DMD: variants seen among roughly 807,000 people sequenced by gnomAD.
DMD encodes the protein mutant dystrophin.
DMD carries 63 observed loss-of-function variants against 330.1 expected under a neutral mutation model. The observed-to-expected ratio is 0.19, with a 90% CI of 0.16 to 0.24. The LOEUF (loss-of-function observed/expected upper bound fraction) is 0.24. Ranked by LOEUF, DMD falls within the 10% of genes least tolerant of loss-of-function variation. DMD has a pLI of 1.00. For synonymous variants in DMD, 1,223 were observed against 959.8 expected (o/e 1.27, Z -5.07); for missense variants, 3,344 against 2,684.1 (o/e 1.25, Z -5.43).
At chrX:32,694,709 T>A (rs1328388735) in intron 9 of DMD, among the ~76,000 whole-genome samples, 1 of 112,062 alleles carries the variant, frequency 8.9e-6, no homozygotes, top group Non-Finnish European at 1.9e-5. Context: ...CATGCTGTAG[T>A]GCAATGGCAT....
chrX:33,228,663 G>C (rs1239687752), intron 1 of DMD, among the ~76,000 whole-genome samples: 2 of 108,766 alleles, frequency 1.8e-5, no homozygotes, highest in Non-Finnish European at 3.8e-5. Context: ...TAGGCTATCA[G>C]GCTCTCACTT....
chrX:32,614,399 G>A lies in DMD; in HGVS notation c.1386C>T (p.Asp462=). 1 of 1,206,674 alleles carries A rather than the reference G, an allele frequency of 8.3e-7. No individual in the cohort carries two copies. Among genetic ancestry groups the A allele is most frequent in the Non-Finnish European group, 1.1e-6 (1 of 891,943 alleles). Residue 462 remains aspartate, a synonymous_variant, in exon 12 of 79, where the codon GAC becomes GAT. Coordinates refer to ENST00000357033, the MANE Select transcript of DMD (RefSeq NM_004006.3). Reference sequence around the variant, plus strand: ...TTCTTTCTTCTGTTTTTGTTAGCCAGTCATTCAACTCTTTCAGTTTCTGAT... The same window carrying A: ...TTCTTTCTTCTGTTTTTGTTAGCCAATCATTCAACTCTTTCAGTTTCTGAT... The part of the protein sequence containing the change: ...LQNQKLKELN[D]WLTKTEERTR...
At chrX:32,436,899 G>A (rs760220575) in intron 29 of DMD, among the ~76,000 whole-genome samples, 1 of 109,633 alleles carries the variant, frequency 9.1e-6, no homozygotes, top group South Asian at 4.0e-4. Flanking sequence ...GCTACAGTGA[G>A]CCACGATCAT....
chrX:32,411,227 T>C (rs1367959624), intron 30 of DMD, among the ~76,000 whole-genome samples: 1 of 111,449 alleles, frequency 9.0e-6, no homozygotes, highest in East Asian at 2.8e-4. Context: ...GCCTCCCGTG[T>C]TCAAGTGATT....
chrX:33,299,549 T>C (rs1258201631), intron 1 of DMD, among the ~76,000 whole-genome samples: 2 of 111,602 alleles, frequency 1.8e-5, no homozygotes, highest in Middle Eastern at 4.6e-3. Context: ...GCTAGGTAGT[T>C]GCTTCAGTTC....
intron 1 of DMD, among the ~76,000 whole-genome samples, chrX:33,107,251 G>A (rs1157863413): frequency 9.7e-6 from 1 of 102,714 alleles, no homozygotes; most frequent in African/African-American, 3.5e-5. Context: ...GGCGGAGGTT[G>A]CAGTGAGCCG....
At chrX:31,859,813 G>A (rs2996021) in intron 48 of DMD, among the ~76,000 whole-genome samples, 47,251 of 111,156 alleles carry the variant, frequency 0.43, 7,792 homozygotes, top group African/African-American at 0.58. Context: ...ATGTCTGAAT[G>A]TATCTGAAAT....
chrX:32,058,339 T>C (rs953855928), intron 44 of DMD, among the ~76,000 whole-genome samples: 1 of 110,396 alleles, frequency 9.1e-6, no homozygotes, highest in African/African-American at 3.3e-5. Context: ...ATATATCTGA[T>C]AAGGTGTCAA....
chrX:31,659,871 A>G (rs1330806052), intron 53 of DMD, among the ~76,000 whole-genome samples: 1 of 111,063 alleles, frequency 9.0e-6, no homozygotes, highest in Non-Finnish European at 1.9e-5. Context: ...AATGGAAGAA[A>G]TTGAAAATAA....
At chrX:31,851,847 G>T (rs2093532371) in intron 48 of DMD, among the ~76,000 whole-genome samples, 1 of 111,672 alleles carries the variant, frequency 9.0e-6, no homozygotes, top group Non-Finnish European at 1.9e-5. Context: ...AGTTTAGAAA[G>T]TGCCTGCAGG....
intron 63 of DMD, among the ~76,000 whole-genome samples, chrX:31,254,738 T>A (rs765533330): frequency 9.0e-6 from 1 of 111,395 alleles, no homozygotes; most frequent in East Asian, 2.8e-4. Flanking sequence ...GTAGTAAGAT[T>A]TGACATTGGA....
At chrX:32,724,798 C>G (rs1372100424) in intron 7 of DMD, among the ~76,000 whole-genome samples, 1 of 111,905 alleles carries the variant, frequency 8.9e-6, no homozygotes, top group Non-Finnish European at 1.9e-5. Flanking sequence ...AATCTTTCAG[C>G]TCTTTTTCTC....
At chrX:33,110,803 A>C (rs1056915408) in intron 1 of DMD, among the ~76,000 whole-genome samples, 4 of 111,305 alleles carry the variant, frequency 3.6e-5, no homozygotes, top group Non-Finnish European at 7.5e-5. Context: ...AACCATGGGC[A>C]CAATCCAAGC....
At chrX:32,201,469 A>AACCCCC (rs2097037261) in intron 44 of DMD, among the ~76,000 whole-genome samples, 2 of 48,441 alleles carry the variant, frequency 4.1e-5, no homozygotes, top group African/African-American at 9.3e-5. Context: ...AAATTCAAAC[A>AACCCCC]CCCCCCCCCC....
At position 32,686,559 on chromosome X, in the gene DMD, C is replaced by CAAAAAAAAAAAAAAAAAAAAAAAAAAAAA. The variant is rs750534167; in HGVS notation, c.960+11310_960+11311insTTTTTTTTTTTTTTTTTTTTTTTTTTTTT. ...GGGCAACAGAGCAAAAACTCCATCT[C>CAAAAAAAAAAAAAAAAAAAAAAAAAAAAA]AAAAAAAAAAAAAAAAAAAAAAAGA... On this transcript the variant is annotated intron_variant, in intron 9 of 78. Transcript: ENST00000357033. 1.0e-4 allele frequency among the ~76,000 whole-genome samples: 3 copies of CAAAAAAAAAAAAAAAAAAAAAAAAAAAAA among 28,583 alleles called. 1 individual carries two copies. The highest frequency in any genetic ancestry group is 4.0e-4 in the African/African-American group (3 of 7,468). 24.8% of individuals were successfully genotyped at this position (28,583 alleles called of 115,157 possible). A position where few individuals can be genotyped will look rare whatever the true frequency, so the allele number is the denominator to read the frequency against.
At chrX:32,453,289 A>G (rs962937490) in intron 26 of DMD, among the ~76,000 whole-genome samples, 1 of 111,121 alleles carries the variant, frequency 9.0e-6, no homozygotes, top group Non-Finnish European at 1.9e-5. Flanking sequence ...TAAGTATGCA[A>G]TAAGTTTTAG....
intron 51 of DMD, among the ~76,000 whole-genome samples, chrX:31,765,625 T>C (rs1019143669): frequency 8.9e-6 from 1 of 112,089 alleles, no homozygotes; most frequent in Non-Finnish European, 1.9e-5. Flanking sequence ...TATTAAAATA[T>C]CTACTTAATG....
chrX:32,823,218 GT>G (rs2078420839), intron 5 of DMD, 76 bp downstream of exon 5: 4 of 829,945 alleles, frequency 4.8e-6, no homozygotes, highest in Non-Finnish European at 7.2e-6. Flanking sequence ...ATACACATTT[GT>G]TTCACACGTC....
chrX:31,163,236 T>A (rs2039048881), intron 74 of DMD, among the ~76,000 whole-genome samples: 1 of 111,319 alleles, frequency 9.0e-6, no homozygotes, highest in Admixed American at 9.5e-5. Flanking sequence ...AACTGAATCA[T>A]GGGGGTGGGG....
Sources: gnomAD v4.1 joint callset for allele counts (sites outside exome capture counted in the v4.1 genomes callset) on GRCh38, gnomAD v4.1.1 for gene constraint, MANE v1.5 for transcripts, NCBI Gene and HGNC (gene_info 2026-07-23, HGNC 2026-07-21) for gene names.